LRRC20: variants seen among roughly 807,000 people sequenced by gnomAD.
LRRC20 encodes leucine rich repeat containing 20, also known as leucine-rich repeat-containing protein 20.
In LRRC20, 11 loss-of-function variants were observed where a neutral mutation model predicts 14.4. The observed-to-expected ratio is 0.77, with a 90% CI of 0.48 to 1.27. LRRC20 has a LOEUF of 1.27. Among genes scored for constraint, LRRC20 ranks in the 50% most tolerant of loss-of-function variants. LRRC20 has a pLI of 0.00. For missense variants in LRRC20, 219 were observed against 251.2 expected, an observed-to-expected ratio of 0.87 and a Z score of 0.87; for synonymous variants, 121 against 107.3, an observed-to-expected ratio of 1.13 and a Z score of -0.79.
At chr10:70,314,829 C>G (rs1841798333) in intron 4 of LRRC20, among the ~76,000 whole-genome samples, 3 of 152,170 alleles carry the variant, frequency 2.0e-5, no homozygotes, top group Admixed American at 6.5e-5. Context: ...CTAGGGAAAC[C>G]TGCCTCATTA....
intron 4 of LRRC20, among the ~76,000 whole-genome samples, chr10:70,320,410 T>C (rs1195889160): frequency 6.6e-6 from 1 of 152,230 alleles, no homozygotes; most frequent in Non-Finnish European, 1.5e-5. Context: ...CCATTTTATA[T>C]GTGATGATGT....
chr10:70,305,786 G>A (rs1382621795), intron 4 of LRRC20, among the ~76,000 whole-genome samples: 1 of 150,874 alleles, frequency 6.6e-6, no homozygotes, highest in East Asian at 1.9e-4. Flanking sequence ...TGTCACCCAG[G>A]CTGGAGTGCA....
At chr10:70,382,362 G>C (rs901187792) in intron 1 of LRRC20, 187 bp downstream of exon 1, 6 of 152,490 alleles carry the variant, frequency 3.9e-5, no homozygotes, top group Non-Finnish European at 8.8e-5. Context: ...CACCGCCAGA[G>C]CCTCCGCTGG....
chr10:70,301,608 G>A, intron 4 of LRRC20, 100 bp from the exon 5 acceptor site: 1 of 1,428,410 alleles, frequency 7.0e-7, no homozygotes, highest in Non-Finnish European at 9.6e-7. Flanking sequence ...ATGGTGAGGG[G>A]CAGCTCTCCA....
chr10:70,338,152 A>G (rs1219673241), intron 3 of LRRC20, among the ~76,000 whole-genome samples: 2 of 152,150 alleles, frequency 1.3e-5, no homozygotes, highest in African/African-American at 4.8e-5. Flanking sequence ...CAAATGCAAC[A>G]AACTCTGTGA....
intron 2 of LRRC20, among the ~76,000 whole-genome samples, chr10:70,369,930 G>A (rs7096325): frequency 0.99 from 150,700 of 152,242 alleles, 74,611 homozygotes; most frequent in East Asian, 1. Flanking sequence ...ATATACAAAA[G>A]TTAGCTGGGC....
intron 2 of LRRC20, among the ~76,000 whole-genome samples, chr10:70,357,141 G>A (rs941989742): frequency 7.2e-5 from 11 of 152,284 alleles, no homozygotes; most frequent in African/African-American, 2.4e-4. Context: ...TACATAAAAT[G>A]TCCAGAAGAG....
Position 70,372,103 on chromosome 10 carries a change from G to A in LRRC20, c.82+4349C>T, listed in dbSNP as rs370600100. Among the ~76,000 whole-genome samples the A allele has an allele frequency of 2.7e-5, 4 of 148,554 alleles. No homozygotes were observed. The South Asian group carries it at 8.8e-4, about 33-fold the overall frequency. On this transcript the variant is annotated intron_variant, in intron 2 of 4. Coordinates refer to ENST00000446961, the MANE Select transcript of LRRC20 (RefSeq NM_001278212.2). ...GAACCCAGCAGGACGGGAAAAGCCA[G>A]GGAAGCCTATGTCTCCTCCCAGGGG... is the stretch of plus-strand genomic sequence containing the variant.
At chr10:70,380,803 T>C (rs1844672262) in intron 1 of LRRC20, among the ~76,000 whole-genome samples, 1 of 152,208 alleles carries the variant, frequency 6.6e-6, no homozygotes, top group Non-Finnish European at 1.5e-5. Context: ...AAACGTCTCC[T>C]GGACACCTTC....
chr10:70,357,818 C>A (rs1203511681), intron 2 of LRRC20, among the ~76,000 whole-genome samples: 1 of 152,182 alleles, frequency 6.6e-6, no homozygotes, highest in Non-Finnish European at 1.5e-5. Flanking sequence ...CAAACGTATA[C>A]ATACAAAAGG....
intron 4 of LRRC20, among the ~76,000 whole-genome samples, chr10:70,306,573 A>G (rs773805353): frequency 1.1e-4 from 16 of 152,172 alleles, no homozygotes; most frequent in Admixed American, 3.9e-4. Flanking sequence ...GGGGTATCAC[A>G]TCAGAGGCAC....
intron 2 of LRRC20, among the ~76,000 whole-genome samples, chr10:70,355,064 C>T (rs935147709): frequency 6.6e-6 from 1 of 152,198 alleles, no homozygotes; most frequent in South Asian, 2.1e-4. Context: ...CTTCAGACAG[C>T]CCTCTGTCAA....
intron 4 of LRRC20, among the ~76,000 whole-genome samples, chr10:70,302,262 G>C (rs988986154): frequency 6.6e-6 from 1 of 151,952 alleles, no homozygotes; most frequent in East Asian, 1.9e-4. Context: ...GCAGTGAGGG[G>C]AAATCGCACC....
At chr10:70,331,004 A>G (rs1842516105) in intron 3 of LRRC20, among the ~76,000 whole-genome samples, 1 of 152,214 alleles carries the variant, frequency 6.6e-6, no homozygotes, top group Non-Finnish European at 1.5e-5. Flanking sequence ...TCCTGGAGGC[A>G]GGTCAGAAAA....
At chr10:70,332,125 A>G (rs1360948742) in intron 3 of LRRC20, among the ~76,000 whole-genome samples, 2 of 152,210 alleles carry the variant, frequency 1.3e-5, no homozygotes, top group African/African-American at 4.8e-5. Context: ...CGGACTCCCC[A>G]GCAGGGCAGA....
At chr10:70,336,959 C>T (rs1842741587) in intron 3 of LRRC20, among the ~76,000 whole-genome samples, 1 of 152,222 alleles carries the variant, frequency 6.6e-6, no homozygotes, top group Admixed American at 6.5e-5. Context: ...GCCCACCTGC[C>T]ATCAGACCAA....
At chr10:70,301,949 A>G (rs1163391306) in intron 4 of LRRC20, among the ~76,000 whole-genome samples, 1 of 152,236 alleles carries the variant, frequency 6.6e-6, no homozygotes, top group Admixed American at 6.5e-5. Context: ...TATATATGAT[A>G]TATGGAATAC....
chr10:70,370,441 C>T (rs181947728), intron 2 of LRRC20, among the ~76,000 whole-genome samples: 1 of 152,266 alleles, frequency 6.6e-6, no homozygotes, highest in East Asian at 1.9e-4. Flanking sequence ...CAGACTGAAA[C>T]CCTCAAGAAT....
chr10:70,311,847 G>C (rs1841679791), intron 4 of LRRC20, among the ~76,000 whole-genome samples: 2 of 152,204 alleles, frequency 1.3e-5, no homozygotes, highest in African/African-American at 4.8e-5. Context: ...ACCTATGTCT[G>C]TGGGAAGTTT....
Sources: gnomAD v4.1 joint callset for allele counts (sites outside exome capture counted in the v4.1 genomes callset) on GRCh38, gnomAD v4.1.1 for gene constraint, MANE v1.5 for transcripts, NCBI Gene and HGNC (gene_info 2026-07-23, HGNC 2026-07-21) for gene names.